Variants in GALNT13 observed in about 807,000 individuals in gnomAD.
GALNT13 encodes the protein polypeptide N-acetylgalactosaminyltransferase 13.
GALNT13 carries 28 observed loss-of-function variants against 64.2 expected under a neutral mutation model. The observed-to-expected ratio is 0.44, with a 90% CI of 0.32 to 0.60. GALNT13 has a LOEUF of 0.60. GALNT13 is among the 20% of genes least tolerant of loss of function. The pLI is 0.05. For synonymous variants in GALNT13, 214 were observed against 224.6 expected, an observed-to-expected ratio of 0.95 and a Z score of 0.42; for missense variants, 577 against 669.8, an observed-to-expected ratio of 0.86 and a Z score of 1.53.
chr2:154,337,971 T>C (rs1260670178), intron 9 of GALNT13, among the ~76,000 whole-genome samples: 1 of 152,094 alleles, frequency 6.6e-6, no homozygotes, highest in East Asian at 1.9e-4. Flanking sequence ...CAGCAAGTTA[T>C]CTCAGTAGTT....
At chr2:153,804,226 T>C in the GALNT13 span, among the ~76,000 whole-genome samples, 1 of 152,150 alleles carries the variant, frequency 6.6e-6, no homozygotes, top group Non-Finnish European at 1.5e-5. Flanking sequence ...TTGAGTGGAG[T>C]GGTCTGGTCA....
chr2:153,440,178 C>A, the GALNT13 span, among the ~76,000 whole-genome samples: 5 of 152,050 alleles, frequency 3.3e-5, no homozygotes, highest in Non-Finnish European at 5.9e-5. Context: ...TCAGCTCCCA[C>A]TTATGAGTGA....
At chr2:153,948,319 A>G (rs1209664503) in intron 3 of GALNT13, among the ~76,000 whole-genome samples, 3 of 152,078 alleles carry the variant, frequency 2.0e-5, no homozygotes, top group Non-Finnish European at 2.9e-5. Flanking sequence ...TCTCACGCCA[A>G]TCAGAATGGC....
the GALNT13 span, among the ~76,000 whole-genome samples, chr2:153,590,807 G>C: frequency 6.6e-6 from 1 of 151,992 alleles, no homozygotes; most frequent in Non-Finnish European, 1.5e-5. Flanking sequence ...AGATATAGAA[G>C]GATTGTGTCT....
chr2:153,310,654 C>T, the GALNT13 span, among the ~76,000 whole-genome samples: 1 of 152,098 alleles, frequency 6.6e-6, no homozygotes, highest in Non-Finnish European at 1.5e-5. Context: ...CATGTGTTGA[C>T]TATTCCTGTT....
At chr2:153,722,114 A>G in the GALNT13 span, among the ~76,000 whole-genome samples, 1 of 148,198 alleles carries the variant, frequency 6.7e-6, no homozygotes, top group Non-Finnish European at 1.5e-5. Context: ...TATCTCTCAG[A>G]CCACAGTGCA....
chr2:153,375,054 T>C, the GALNT13 span, among the ~76,000 whole-genome samples: 1 of 152,280 alleles, frequency 6.6e-6, no homozygotes, highest in African/African-American at 2.4e-5. Context: ...AAAATTTTAG[T>C]TTATCATTAT....
chr2:153,983,411 T>C (rs1694599150), intron 3 of GALNT13, among the ~76,000 whole-genome samples: 1 of 151,906 alleles, frequency 6.6e-6, no homozygotes, highest in Non-Finnish European at 1.5e-5. Context: ...TATTTATTTA[T>C]AAACTCTTTA....
At chr2:153,430,527 G>GGA in the GALNT13 span, among the ~76,000 whole-genome samples, 14,142 of 140,756 alleles carry the variant, frequency 0.1, 775 homozygotes, top group East Asian at 0.2. Context: ...AGGTAGGTAG[G>GGA]GAGAGAGAGA....
chr2:153,249,063 T>C, the GALNT13 span, among the ~76,000 whole-genome samples: 1 of 152,108 alleles, frequency 6.6e-6, no homozygotes, highest in Non-Finnish European at 1.5e-5. Flanking sequence ...TAAATGGTAT[T>C]CAAATAGAAA....
chr2:153,698,056 T>A, the GALNT13 span, among the ~76,000 whole-genome samples: 2 of 152,170 alleles, frequency 1.3e-5, no homozygotes, highest in South Asian at 2.1e-4. Context: ...GAGGATTTTG[T>A]CACCACCAGG....
At chr2:153,569,325 T>G in the GALNT13 span, among the ~76,000 whole-genome samples, 1 of 152,120 alleles carries the variant, frequency 6.6e-6, no homozygotes, top group African/African-American at 2.4e-5. Flanking sequence ...CTGAGCAACT[T>G]TTAATATATT....
At chr2:154,400,485 G>A (rs1699252495) in intron 10 of GALNT13, among the ~76,000 whole-genome samples, 1 of 151,874 alleles carries the variant, frequency 6.6e-6, no homozygotes, top group Non-Finnish European at 1.5e-5. Context: ...AACTTTCCTT[G>A]CTGTATTGGA....
At chr2:154,384,881 A>C (rs1266477677) in intron 9 of GALNT13, among the ~76,000 whole-genome samples, 2 of 151,956 alleles carry the variant, frequency 1.3e-5, no homozygotes, top group African/African-American at 4.8e-5. Flanking sequence ...AGAAGGGATC[A>C]AAGGAAGCTT....
intron 3 of GALNT13, among the ~76,000 whole-genome samples, chr2:153,994,335 G>A (rs1163440625): frequency 6.6e-6 from 1 of 152,130 alleles, no homozygotes; most frequent in Admixed American, 6.6e-5. Context: ...ATTTGGGTTG[G>A]TTCCAAGTCT....
the GALNT13 span, among the ~76,000 whole-genome samples, chr2:153,443,124 A>G: frequency 3.3e-5 from 5 of 152,122 alleles, no homozygotes; most frequent in Middle Eastern, 3.2e-3. Flanking sequence ...CTAGCTCGGT[A>G]TCTGTCCAAA....
chr2:154,455,343 A>AT (rs1489490270), downstream of GALNT13, among the ~76,000 whole-genome samples: 1 of 152,188 alleles, frequency 6.6e-6, no homozygotes, highest in Non-Finnish European at 1.5e-5. Context: ...CAAAACATGT[A>AT]TGCATTCTTA....
chr2:153,843,735 TGGTATAGGCATTG>T, the GALNT13 span, among the ~76,000 whole-genome samples: 1 of 152,222 alleles, frequency 6.6e-6, no homozygotes, highest in Non-Finnish European at 1.5e-5. Context: ...AGACACAATG[TGGTATAGGCATTG>T]GGTAAACATC....
chr2:153,530,470 C>T, the GALNT13 span, among the ~76,000 whole-genome samples: 1 of 152,016 alleles, frequency 6.6e-6, no homozygotes, highest in East Asian at 1.9e-4. Context: ...AGATTCAATG[C>T]AATCCCTTTC....
Sources: gnomAD v4.1 joint callset for allele counts (sites outside exome capture counted in the v4.1 genomes callset) on GRCh38, gnomAD v4.1.1 for gene constraint, MANE v1.5 for transcripts, NCBI Gene and HGNC (gene_info 2026-07-23, HGNC 2026-07-21) for gene names.